Variants in GSAP observed in about 807,000 individuals in gnomAD.
The protein encoded by GSAP is gamma-secretase-activating protein.
GSAP carries 118 observed loss-of-function variants against 131.7 expected under a neutral mutation model. That is an observed-to-expected ratio of 0.90 (90% CI 0.77 to 1.04). The LOEUF is 1.04. Among genes scored for constraint, GSAP ranks in the 50% least tolerant of loss-of-function variants. GSAP has a pLI of 0.00. For synonymous variants in GSAP, 381 were observed against 363.4 expected (o/e 1.05, Z -0.55); for missense variants, 1,019 against 1,013.2 (o/e 1.01, Z -0.08).
intron 7 of GSAP, among the ~76,000 whole-genome samples, chr7:77,381,825 C>T (rs935298811): frequency 1.3e-5 from 2 of 151,762 alleles, no homozygotes; most frequent in Non-Finnish European, 1.5e-5. Context: ...TTCATGTGAA[C>T]AAAACCCTGA....
chr7:77,343,979 T>G (rs1214675076), intron 19 of GSAP, among the ~76,000 whole-genome samples: 1 of 152,138 alleles, frequency 6.6e-6, no homozygotes, highest in Non-Finnish European at 1.5e-5. Context: ...ACATCAAGCT[T>G]GAGGATTTGC....
At chr7:77,367,598 G>A (rs1425674816) in intron 12 of GSAP, among the ~76,000 whole-genome samples, 1 of 152,088 alleles carries the variant, frequency 6.6e-6, no homozygotes, top group Non-Finnish European at 1.5e-5. Flanking sequence ...TATTGGATTT[G>A]GTTTCCATGT....
At chr7:77,395,212 A>G (rs765046974) in intron 5 of GSAP, among the ~76,000 whole-genome samples, 1 of 152,186 alleles carries the variant, frequency 6.6e-6, no homozygotes, top group Non-Finnish European at 1.5e-5. Context: ...GTTTCCCAAC[A>G]CAATAAAGAA....
intron 16 of GSAP, among the ~76,000 whole-genome samples, chr7:77,354,946 G>A (rs1378394990): frequency 6.6e-6 from 1 of 152,092 alleles, no homozygotes; most frequent in African/African-American, 2.4e-5. Flanking sequence ...TATTTACTGA[G>A]CTCTTCATTG....
chr7:77,389,702 G>A (rs1411431694), intron 5 of GSAP, among the ~76,000 whole-genome samples: 9 of 152,116 alleles, frequency 5.9e-5, no homozygotes, highest in Non-Finnish European at 7.3e-5. Context: ...ATTTGGGTTG[G>A]TTCCAAGTCT....
At chr7:77,402,616 A>AAAAAAAAG (rs375595494) in intron 3 of GSAP, among the ~76,000 whole-genome samples, 1 of 80,422 alleles carries the variant, frequency 1.2e-5, no homozygotes, top group Non-Finnish European at 2.7e-5. Context: ...AAAAAAAAAA[A>AAAAAAAAG]GAATTTTAAA....
chr7:77,313,621 C>T lies in GSAP; in HGVS notation c.2210-72G>A, dbSNP rs1584191194. On this transcript the variant is annotated intron_variant, in intron 27 of 30. Coordinates refer to ENST00000257626, the MANE Select transcript of GSAP (RefSeq NM_017439.4). Reference sequence around the variant, plus strand: ...ATACTTTAGCAAGTTAATATTAATACTTGAGTGGTTCATCTTGATAGGACA... The same window carrying T: ...ATACTTTAGCAAGTTAATATTAATATTTGAGTGGTTCATCTTGATAGGACA... 1.6e-5 allele frequency: 12 copies of T among 729,802 alleles called. No individual in the cohort carries two copies. The East Asian group carries it at 2.4e-4, about 14-fold the overall frequency. 45.2% of individuals were successfully genotyped at this position (729,802 alleles called of 1,614,324 possible). A position where few individuals can be genotyped will look rare whatever the true frequency, so the allele number is the denominator to read the frequency against.
At chr7:77,313,262 T>C (rs1278154662) in intron 28 of GSAP, among the ~76,000 whole-genome samples, 1 of 151,954 alleles carries the variant, frequency 6.6e-6, no homozygotes, top group Non-Finnish European at 1.5e-5. Flanking sequence ...ATGTTCTCAC[T>C]GGACTGTGCC....
chr7:77,377,130 T>A (rs1018358205), intron 9 of GSAP, among the ~76,000 whole-genome samples, 156 bp downstream of exon 9: 1 of 150,044 alleles, frequency 6.7e-6, no homozygotes, highest in South Asian at 2.1e-4. Flanking sequence ...GGCAGGTGCA[T>A]CACTTGAGCC....
intron 1 of GSAP, among the ~76,000 whole-genome samples, chr7:77,414,059 A>T (rs772266369): frequency 6.6e-6 from 1 of 152,246 alleles, no homozygotes; most frequent in African/African-American, 2.4e-5. Flanking sequence ...TTACAGGCAC[A>T]GAATTTCCAT....
chr7:77,329,525 G>A, intron 20 of GSAP, 134 bp from the exon 21 acceptor site: 1 of 424,704 alleles, frequency 2.4e-6, no homozygotes, highest in South Asian at 5.9e-5. Context: ...AGAACACCTA[G>A]ATTTTTTTTA....
At chr7:77,333,236 C>T (rs1300192385) in intron 19 of GSAP, among the ~76,000 whole-genome samples, 2 of 152,058 alleles carry the variant, frequency 1.3e-5, no homozygotes, top group Admixed American at 6.5e-5. Context: ...AGAGATGGAA[C>T]AGGGGAGGGA....
chr7:77,325,413 C>T (rs890741267), intron 23 of GSAP, among the ~76,000 whole-genome samples: 4 of 152,288 alleles, frequency 2.6e-5, no homozygotes, highest in African/African-American at 9.6e-5. Flanking sequence ...TCTTATTAGG[C>T]TTTCCAGATG....
At chr7:77,329,127 G>T in intron 21 of GSAP, among the ~76,000 whole-genome samples, 1 of 152,082 alleles carries the variant, frequency 6.6e-6, no homozygotes, top group East Asian at 1.9e-4. Flanking sequence ...AGTCTATAAG[G>T]TTCAACATAT....
chr7:77,397,532 A>C (rs1800620230), intron 3 of GSAP, 117 bp from the exon 4 acceptor site: 2 of 597,872 alleles, frequency 3.3e-6, no homozygotes, highest in African/African-American at 3.8e-5. Flanking sequence ...TATTTTGGTA[A>C]AGAATCAAAC....
At chr7:77,338,270 A>C (rs1201374361) in intron 19 of GSAP, among the ~76,000 whole-genome samples, 1 of 152,204 alleles carries the variant, frequency 6.6e-6, no homozygotes, top group South Asian at 2.1e-4. Flanking sequence ...ACAGTTTACA[A>C]AGGGATAAAA....
chr7:77,336,502 T>C (rs1335862035), intron 19 of GSAP, among the ~76,000 whole-genome samples: 1 of 152,164 alleles, frequency 6.6e-6, no homozygotes, highest in African/African-American at 2.4e-5. Context: ...TTTTTGTTTT[T>C]TGAGACAGAG....
At chr7:77,375,352 CTT>C (rs540629889) in intron 10 of GSAP, among the ~76,000 whole-genome samples, 1 of 152,156 alleles carries the variant, frequency 6.6e-6, no homozygotes, top group African/African-American at 2.4e-5. Context: ...GCTTGACAAA[CTT>C]TGTCTTAGAT....
At chr7:77,374,647 A>G (rs928146285) in intron 11 of GSAP, among the ~76,000 whole-genome samples, 1 of 136,490 alleles carries the variant, frequency 7.3e-6, no homozygotes, top group African/African-American at 3.1e-5. Flanking sequence ...AGGAAAACAG[A>G]AAAAAAAAAA....
Sources: gnomAD v4.1 joint callset for allele counts (sites outside exome capture counted in the v4.1 genomes callset) on GRCh38, gnomAD v4.1.1 for gene constraint, MANE v1.5 for transcripts, NCBI Gene and HGNC (gene_info 2026-07-23, HGNC 2026-07-21) for gene names.